The following MPP3 variants were observed in gnomAD, a reference collection of about 807,000 sequenced individuals.
The protein encoded by MPP3 is MAGUK p55 subfamily member 3.
MPP3 carries 48 observed loss-of-function variants against 80.7 expected under a neutral mutation model. The ratio of observed to expected loss-of-function variants is 0.59; its 90% CI spans 0.47 to 0.76. MPP3 has a LOEUF of 0.76. Ranked by LOEUF, MPP3 falls within the 30% of genes least tolerant of loss-of-function variation. The pLI is 0.00. For missense variants in MPP3, 620 were observed against 763.0 expected, an observed-to-expected ratio of 0.81 and a Z score of 2.21; for synonymous variants, 311 against 297.6, an observed-to-expected ratio of 1.04 and a Z score of -0.46.
At chr17:43,817,932 A>G in intron 12 of MPP3, 114 bp downstream of exon 12, 1 of 581,070 alleles carries the variant, frequency 1.7e-6, no homozygotes, top group South Asian at 2.2e-5. Flanking sequence ...CCATGAGCTC[A>G]GACAAGACCC....
At chr17:43,809,926 A>G (rs2044775605) in intron 18 of MPP3, among the ~76,000 whole-genome samples, 1 of 152,176 alleles carries the variant, frequency 6.6e-6, no homozygotes, top group South Asian at 2.1e-4. Flanking sequence ...CATTTTATCT[A>G]GAAGTAAGGG....
At chr17:43,806,564 T>C (rs1490808359) in intron 19 of MPP3, among the ~76,000 whole-genome samples, 2 of 152,186 alleles carry the variant, frequency 1.3e-5, no homozygotes, top group Non-Finnish European at 2.9e-5. Flanking sequence ...GAACATTATT[T>C]AGGTTGTCTC....
At position 43,823,912 on chromosome 17, in the gene MPP3, C is replaced by T. The variant is rs749587795; in HGVS notation, c.684+19G>A. On this transcript the variant is annotated intron_variant, in intron 10 of 19. Transcript: ENST00000398389. ...TCTCTCAAGCTGAGAGAGGGCACCGCGGACCCACCTCCCCATACCTTGCTC... is the reference window on the plus strand; with the variant it reads ...TCTCTCAAGCTGAGAGAGGGCACCGTGGACCCACCTCCCCATACCTTGCTC... 9 of 1,598,514 alleles carry T rather than the reference C, an allele frequency of 5.6e-6. No homozygotes were observed. The highest frequency in any genetic ancestry group is 1.7e-4 in the Middle Eastern group (1 of 5,876).
At position 43,810,796 on chromosome 17, in the gene MPP3, C is replaced by T. The variant is rs765519390; in HGVS notation, c.1458+11G>A. The stretch of plus-strand genomic sequence containing the variant: ...GTTAACCAGAAATGGCCAGCAGGCC[C>T]AGCAACTCACTTCTGGCTCCACATC... On this transcript the variant is annotated intron_variant, in intron 18 of 19. Transcript: ENST00000398389. 1 of 1,580,798 alleles carries T rather than the reference C, an allele frequency of 6.3e-7. No individual in the cohort carries two copies. The highest frequency in any genetic ancestry group is 2.2e-5 in the East Asian group (1 of 44,680).
At chr17:43,827,867 A>T (rs1257888268) in intron 7 of MPP3, 35 bp from the exon 8 acceptor site, 2 of 1,604,244 alleles carry the variant, frequency 1.2e-6, no homozygotes, top group Non-Finnish European at 1.7e-6. Flanking sequence ...GTTCTTAAGC[A>T]GCAGCTCCAA....
At chr17:43,806,718 C>A (rs2044631743) in intron 19 of MPP3, among the ~76,000 whole-genome samples, 1 of 152,114 alleles carries the variant, frequency 6.6e-6, no homozygotes, top group South Asian at 2.1e-4. Flanking sequence ...AAGCAATTCT[C>A]CTGCCTCAGC....
intron 8 of MPP3, among the ~76,000 whole-genome samples, chr17:43,827,084 C>T (rs1041087822): frequency 9.9e-5 from 15 of 151,972 alleles, no homozygotes; most frequent in Non-Finnish European, 1.9e-4. Context: ...GGCGCGATCT[C>T]GGCTCACTGC....
At chr17:43,831,786 T>C (rs1216459565) in intron 3 of MPP3, 96 bp downstream of exon 3, 6 of 1,444,834 alleles carry the variant, frequency 4.2e-6, no homozygotes, top group Non-Finnish European at 5.7e-6. Context: ...CGTGAGGACA[T>C]TCTCTCCCCA....
intron 10 of MPP3, among the ~76,000 whole-genome samples, chr17:43,822,116 T>G (rs1436280822): frequency 2.6e-5 from 4 of 152,218 alleles, no homozygotes; most frequent in Non-Finnish European, 5.9e-5. Context: ...CCCTCAAAGT[T>G]GCATGTGCGG....
chr17:43,825,879 G>A lies in MPP3; in HGVS notation c.524-38C>T, dbSNP rs375576870. ...GGGACTGACCATCAGCACAGGAGGA[G>A]GACCTGAGCACCCCTCGCTCAGAGC... On this transcript the variant is annotated intron_variant, in intron 8 of 19. Coordinates refer to ENST00000398389, the MANE Select transcript of MPP3 (RefSeq NM_001932.6). 15 of 1,307,080 alleles carry A rather than the reference G, an allele frequency of 1.1e-5. No homozygotes were observed. The African/African-American group carries it at 1.7e-4, about 15-fold the overall frequency. The allele number at this position is 1,307,080 out of a possible 1,614,324, so 81.0% of individuals were successfully genotyped here.
chr17:43,802,896 T>C (rs996145280), intron 19 of MPP3, among the ~76,000 whole-genome samples: 6 of 152,224 alleles, frequency 3.9e-5, no homozygotes, highest in African/African-American at 1.4e-4. Flanking sequence ...CAAAACCCAA[T>C]TCCTACATTA....
chr17:43,820,969 C>G lies in MPP3; in HGVS notation c.774G>C (p.Gln258His). The G allele has an allele frequency of 6.2e-7, 1 of 1,613,432 alleles. No individual in the cohort carries two copies. Among genetic ancestry groups the G allele is most frequent in the African/African-American group, 1.3e-5 (1 of 75,064 alleles). Residue 258 changes from glutamine (Q) to histidine (H), a missense_variant, in exon 11 of 20, where the codon CAG becomes CAC. Transcript: ENST00000398389. ...QEAGLPFQRRQVLEVVSQDDP... is the reference protein window; with the variant it reads ...QEAGLPFQRRHVLEVVSQDDP... ...CGTCCTGGCTCACCACCTCCAGGAC[C>G]TGCCTGCGCTGGAAGGGCAGGCCCG...
At chr17:43,824,112 C>CA (rs1294156039) in intron 9 of MPP3, 107 bp from the exon 10 acceptor site, 4 of 748,128 alleles carry the variant, frequency 5.3e-6, no homozygotes, top group Non-Finnish European at 8.7e-6. Context: ...GTCAGACTTG[C>CA]AGCCTCCCCT....
chr17:43,831,424 T>A, intron 4 of MPP3, 103 bp from the exon 5 acceptor site: 2 of 1,385,254 alleles, frequency 1.4e-6, no homozygotes, highest in Middle Eastern at 1.8e-4. Context: ...CAGGGCACCA[T>A]AAGAGAAAGT....
At chr17:43,824,838 G>C (rs771328175) in intron 9 of MPP3, among the ~76,000 whole-genome samples, 1 of 151,974 alleles carries the variant, frequency 6.6e-6, no homozygotes, top group Non-Finnish European at 1.5e-5. Flanking sequence ...GCAGTGGCAC[G>C]ATCTCGACTC....
rs1874764204 is a variant in MPP3, at chr17:43,831,573, T to C, written c.130A>G (p.Ser44Gly). 1.9e-6 allele frequency: 3 copies of C among 1,612,646 alleles called. No individual in the cohort carries two copies. The highest frequency in any genetic ancestry group is 2.5e-6 in the Non-Finnish European group (3 of 1,178,728). The part of the protein sequence containing the change: ...LRDVFSEKSL[S>G]YLMKIHEKLR... The stretch of plus-strand genomic sequence containing the variant: ...TGGGACTTCACCTTCATTAAGTAAC[T>C]GAGGCTTTTTTCACTGAAAACATCC... The change falls in exon 4 of 20, where the codon AGT becomes GGT. Residue 44 changes from serine (S) to glycine (G), a missense_variant. Transcript: ENST00000398389.
chr17:43,805,511 C>T (rs905852157), intron 19 of MPP3, among the ~76,000 whole-genome samples: 37 of 152,254 alleles, frequency 2.4e-4, no homozygotes, highest in African/African-American at 8.7e-4. Flanking sequence ...ACATTCATAA[C>T]ATGATTCATA....
In MPP3 at chr17:43,829,679, C is replaced by A; in HGVS notation, c.416G>T (p.Arg139Leu). Residue 139 changes from arginine to leucine, a missense_variant, in exon 7 of 20, where the codon CGC becomes CTC. Arg to Leu is a moderately radical substitution (Grantham distance 102). Transcript: ENST00000398389. ...CAGGGGTTCCTTGTTCTTCACCAAG[C>A]GGACGATCTTCACCGATTCCTCATC... The part of the protein sequence containing the change: ...DFDEESVKIV[R>L]LVKNKEPLGA... The A allele has an allele frequency of 6.2e-7, 1 of 1,613,990 alleles. No homozygotes were observed. Among genetic ancestry groups the A allele is most frequent in the South Asian group, 1.1e-5 (1 of 91,064 alleles).
rs548132971 is a variant in MPP3, at chr17:43,808,752, C to T, written c.1581+204G>A. 2.6e-5 allele frequency among the ~76,000 whole-genome samples: 4 copies of T among 152,302 alleles called. No homozygotes were observed. In the East Asian group the frequency reaches 7.7e-4, roughly 29 times the overall value. ...AAAGCCACCTGCCTGGTTTGGGAGG[C>T]ACTTCCAGCTGTTCACCTTGAGCCT... On this transcript the variant is annotated intron_variant, in intron 19 of 19. Transcript: ENST00000398389.
Sources: gnomAD v4.1 joint callset for allele counts (sites outside exome capture counted in the v4.1 genomes callset) on GRCh38, gnomAD v4.1.1 for gene constraint, MANE v1.5 for transcripts, NCBI Gene and HGNC (gene_info 2026-07-23, HGNC 2026-07-21) for gene names.